CSMD1: variants seen among roughly 807,000 people sequenced by gnomAD.
CSMD1 encodes the protein CUB and sushi domain-containing protein 1.
In CSMD1, 213 loss-of-function variants were observed where a neutral mutation model predicts 417.5. That is an observed-to-expected ratio of 0.51 (90% CI 0.46 to 0.57). CSMD1 has a LOEUF of 0.57. Among genes scored for constraint, CSMD1 ranks in the 20% least tolerant of loss-of-function variants. The pLI, the probability that CSMD1 is intolerant of heterozygous loss-of-function variation, is 0.00. For missense variants in CSMD1, 6,923 were observed against 4,529.7 expected, an observed-to-expected ratio of 1.53 and a Z score of -15.17; for synonymous variants, 2,862 against 1,736.8, an observed-to-expected ratio of 1.65 and a Z score of -16.11.
intron 32 of CSMD1, 124 bp from the exon 33 acceptor site, chr8:3,199,933 C>T: frequency 1.7e-6 from 1 of 601,180 alleles, no homozygotes; most frequent in Non-Finnish European, 2.9e-6. Flanking sequence ...AACATTTTCA[C>T]TTTATGGTTT....
chr8:4,120,256 G>C (rs1486116741), intron 3 of CSMD1, among the ~76,000 whole-genome samples: 1 of 151,610 alleles, frequency 6.6e-6, no homozygotes, highest in African/African-American at 2.4e-5. Context: ...GGCATAAAAA[G>C]GATTTGGGGT....
intron 7 of CSMD1, among the ~76,000 whole-genome samples, chr8:3,666,688 C>A (rs1798712188): frequency 6.6e-6 from 1 of 152,268 alleles, no homozygotes; most frequent in African/African-American, 2.4e-5. Flanking sequence ...GTGAATAAGT[C>A]TCATGCAATC....
intron 1 of CSMD1, among the ~76,000 whole-genome samples, chr8:4,656,133 G>C (rs533375766): frequency 1.3e-5 from 2 of 152,142 alleles, no homozygotes; most frequent in African/African-American, 4.8e-5. Flanking sequence ...GTCAATGAGA[G>C]GTGATGTGAA....
At chr8:4,296,895 T>C (rs1381293830) in intron 3 of CSMD1, among the ~76,000 whole-genome samples, 1 of 152,108 alleles carries the variant, frequency 6.6e-6, no homozygotes, top group Non-Finnish European at 1.5e-5. Context: ...AATGCTCATC[T>C]CATGGAGATT....
chr8:4,379,168 G>C (rs148413497), intron 3 of CSMD1, among the ~76,000 whole-genome samples: 1 of 152,256 alleles, frequency 6.6e-6, no homozygotes, highest in East Asian at 1.9e-4. Context: ...ACTGGAAATG[G>C]CTGATTTATT....
chr8:3,463,752 G>A lies in CSMD1; in HGVS notation c.1561+4960C>T, dbSNP rs193153307. Reference sequence around the variant, plus strand: ...TCATGCCAGTACAACCACGCAAGACGAGAAGCACCTTCAAGATTACATAAC... The same window carrying A: ...TCATGCCAGTACAACCACGCAAGACAAGAAGCACCTTCAAGATTACATAAC... On this transcript the variant is annotated intron_variant, in intron 12 of 69. Transcript: ENST00000635120. Among the ~76,000 whole-genome samples, 26 of 152,270 alleles carry A rather than the reference G, an allele frequency of 1.7e-4. No homozygotes were observed. In the East Asian group the frequency reaches 1.7e-3, roughly 10 times the overall value.
chr8:3,537,045 C>T (rs1446497467), intron 10 of CSMD1, among the ~76,000 whole-genome samples: 1 of 151,936 alleles, frequency 6.6e-6, no homozygotes. Flanking sequence ...TTCTCTGTTG[C>T]CGGGCTGGAG....
At chr8:3,439,373 T>C (rs2117054572) in intron 12 of CSMD1, among the ~76,000 whole-genome samples, 1 of 146,248 alleles carries the variant, frequency 6.8e-6, no homozygotes, top group South Asian at 2.2e-4. Context: ...ATAGCTCATT[T>C]TTGTCTTAAA....
intron 27 of CSMD1, among the ~76,000 whole-genome samples, chr8:3,228,842 T>A (rs376456160): frequency 2.6e-5 from 4 of 151,846 alleles, no homozygotes; most frequent in Non-Finnish European, 4.4e-5. Context: ...GATCGCCACA[T>A]TGATAGGCAA....
chr8:3,469,581 A>G (rs1173072768), intron 11 of CSMD1, among the ~76,000 whole-genome samples: 5 of 152,220 alleles, frequency 3.3e-5, no homozygotes, highest in Non-Finnish European at 7.3e-5. Flanking sequence ...ACAGAAAAGC[A>G]TGTTGAAATA....
chr8:2,973,069 G>A, intron 57 of CSMD1, 48 bp downstream of exon 57: 1 of 1,570,994 alleles, frequency 6.4e-7, no homozygotes, highest in African/African-American at 1.4e-5. Flanking sequence ...AGAACGAGCT[G>A]TGTGGTTTTA....
chr8:3,869,846 C>A lies in CSMD1; in HGVS notation c.819-115804G>T, dbSNP rs569335841. Among the ~76,000 whole-genome samples the A allele has an allele frequency of 3.9e-5, 6 of 152,010 alleles. No individual in the cohort carries two copies. In the South Asian group the frequency reaches 1.2e-3, roughly 32 times the overall value. On this transcript the variant is annotated intron_variant, in intron 5 of 69. Transcript: ENST00000635120. Reference sequence around the variant, plus strand: ...TGCCACTTAATAATCACATTCCATGCTTTTATGAATTATCCTTACTGATCT... The same window carrying A: ...TGCCACTTAATAATCACATTCCATGATTTTATGAATTATCCTTACTGATCT...
At chr8:4,160,004 G>A (rs1159575817) in intron 3 of CSMD1, among the ~76,000 whole-genome samples, 1 of 151,916 alleles carries the variant, frequency 6.6e-6, no homozygotes, top group Admixed American at 6.6e-5. Context: ...ATGCTCTGGT[G>A]ATGGGTGCAC....
intron 1 of CSMD1, among the ~76,000 whole-genome samples, chr8:4,740,836 TAAAG>T (rs1288440842): frequency 6.6e-6 from 1 of 152,180 alleles, no homozygotes; most frequent in Admixed American, 6.5e-5. Flanking sequence ...GGATGAATCT[TAAAG>T]AACACGAACT....
chr8:3,951,965 A>G lies in CSMD1; in HGVS notation c.818+45938T>C, dbSNP rs75789644. On this transcript the variant is annotated intron_variant, in intron 5 of 69. Transcript: ENST00000635120. Reference sequence around the variant, plus strand: ...CGAATACATAATTATGAAAGTAATAATAAAGGAAATTTTCCCTGATTACAC... The same window carrying G: ...CGAATACATAATTATGAAAGTAATAGTAAAGGAAATTTTCCCTGATTACAC... Among the ~76,000 whole-genome samples, 58 of 152,324 alleles carry G rather than the reference A, an allele frequency of 3.8e-4. No individual in the cohort carries two copies. In the East Asian group the frequency reaches 0.011, roughly 29 times the overall value.
At position 3,387,631 on chromosome 8, in the gene CSMD1, C is replaced by T; in HGVS notation, c.2645G>A (p.Gly882Asp). The T allele has an allele frequency of 6.3e-7, 1 of 1,599,964 alleles. No homozygotes were observed. The change falls in exon 18 of 70, where the codon GGC (glycine) becomes GAC (aspartate). Residue 882 changes from glycine (G) to aspartate (D), a missense_variant. Gly to Asp is a moderately conservative substitution (Grantham distance 94, BLOSUM62 -1). Coordinates refer to ENST00000635120, the MANE Select transcript of CSMD1 (RefSeq NM_033225.6). ...SCLDPGIPVNGHRHGGDFGIR... is the reference protein window; with the variant it reads ...SCLDPGIPVNDHRHGGDFGIR... ...GCCAAAGTCTCCACCGTGGCGATGG[C>T]CGTTCACAGGGATGCCCGGGTCCAG...
intron 3 of CSMD1, among the ~76,000 whole-genome samples, chr8:4,046,363 C>T (rs768926507): frequency 5.3e-5 from 8 of 152,128 alleles, no homozygotes; most frequent in Non-Finnish European, 1.2e-4. Context: ...ATTATAAACA[C>T]TTTAATTTAC....
intron 5 of CSMD1, among the ~76,000 whole-genome samples, chr8:3,906,651 AG>A (rs1480589343): frequency 6.6e-6 from 1 of 152,018 alleles, no homozygotes; most frequent in Non-Finnish European, 1.5e-5. Context: ...AGATTTGCAA[AG>A]TACACCTTGC....
rs1563342245 is a variant in CSMD1, at chr8:3,394,015, TATA to T, written c.2593+2176_2593+2178del. Among the ~76,000 whole-genome samples, 243 of 43,956 alleles carry T rather than the reference TATA, an allele frequency of 5.5e-3. 11 individuals carry two copies. Among genetic ancestry groups the T allele is most frequent in the East Asian group, 0.02 (32 of 1,634 alleles). 28.8% of individuals were successfully genotyped at this position (43,956 alleles called of 152,430 possible). A position where few individuals can be genotyped will look rare whatever the true frequency, so the allele number is the denominator to read the frequency against. On this transcript the variant is annotated intron_variant, in intron 17 of 69. Coordinates refer to ENST00000635120, the MANE Select transcript of CSMD1 (RefSeq NM_033225.6). ...ATAATAATAATAAAAAAATAAATTATATATATATATATATATATATATATATAT... is the reference window on the plus strand; with the variant it reads ...ATAATAATAATAAAAAAATAAATTATTATATATATATATATATATATATAT...
Sources: gnomAD v4.1 joint callset for allele counts (sites outside exome capture counted in the v4.1 genomes callset) on GRCh38, gnomAD v4.1.1 for gene constraint, MANE v1.5 for transcripts, NCBI Gene and HGNC (gene_info 2026-07-23, HGNC 2026-07-21) for gene names.